PARVA: variants seen among roughly 807,000 people sequenced by gnomAD.
PARVA encodes the protein alpha-parvin.
Under a neutral mutation model 52.6 loss-of-function variants are expected in PARVA, and 25 were observed. The ratio of observed to expected loss-of-function variants is 0.48; its 90% CI spans 0.35 to 0.66. The LOEUF (loss-of-function observed/expected upper bound fraction) is 0.66, where lower values mean the gene tolerates loss of function less well. Ranked by LOEUF, PARVA falls within the 30% of genes least tolerant of loss-of-function variation. PARVA has a pLI of 0.01. For missense variants in PARVA, 373 were observed against 450.9 expected, an observed-to-expected ratio of 0.83 and a Z score of 1.56; for synonymous variants, 185 against 179.1, an observed-to-expected ratio of 1.03 and a Z score of -0.26.
intron 5 of PARVA, 116 bp downstream of exon 5, chr11:12,496,714 A>C: frequency 1.0e-6 from 1 of 994,616 alleles, no homozygotes; most frequent in Non-Finnish European, 1.5e-6. Flanking sequence ...GGTCAAACTC[A>C]TTTATCTTTG....
intron 4 of PARVA, chr11:12,478,296 A>C (rs2135041617): frequency 5.3e-6 from 2 of 376,126 alleles, no homozygotes; most frequent in Admixed American, 3.7e-5. Flanking sequence ...GTATATTTAC[A>C]TGCATGGGCC....
chr11:12,474,067 C>G, intron 3 of PARVA, 84 bp downstream of exon 3: 1 of 1,071,842 alleles, frequency 9.3e-7, no homozygotes, highest in Middle Eastern at 2.0e-4. Context: ...AGGTACCCCA[C>G]GAGCCCCTGA....
intron 4 of PARVA, among the ~76,000 whole-genome samples, chr11:12,487,942 G>A (rs186438103): frequency 7.2e-5 from 11 of 152,242 alleles, no homozygotes; most frequent in Non-Finnish European, 8.8e-5. Context: ...AGTTTTCACA[G>A]CTTGAATTTT....
intron 7 of PARVA, among the ~76,000 whole-genome samples, chr11:12,510,994 C>G (rs1941496251): frequency 1.3e-5 from 2 of 152,116 alleles, no homozygotes; most frequent in South Asian, 4.1e-4. Context: ...AGTTCCTGCA[C>G]TCTTTGAGAA....
intron 1 of PARVA, among the ~76,000 whole-genome samples, chr11:12,418,463 A>G (rs2134981778): frequency 6.6e-6 from 1 of 152,320 alleles, no homozygotes; most frequent in Non-Finnish European, 1.5e-5. Context: ...TCCCTGGGGC[A>G]GGATGGGTGT....
chr11:12,434,295 C>T (rs948353644), intron 1 of PARVA, among the ~76,000 whole-genome samples: 9 of 152,198 alleles, frequency 5.9e-5, no homozygotes, highest in African/African-American at 2.2e-4. Context: ...TGGCATTTTG[C>T]AGCCTGAGAA....
At chr11:12,462,898 C>T (rs929108897) in intron 1 of PARVA, among the ~76,000 whole-genome samples, 1 of 152,148 alleles carries the variant, frequency 6.6e-6, no homozygotes, top group African/African-American at 2.4e-5. Context: ...GTGCTGTAGT[C>T]ATCTTTGGGC....
intron 1 of PARVA, among the ~76,000 whole-genome samples, chr11:12,416,562 G>A (rs563359693): frequency 2.0e-5 from 3 of 152,208 alleles, no homozygotes; most frequent in South Asian, 2.1e-4. Context: ...TGGAACCTTC[G>A]CCGACTCCAG....
chr11:12,408,205 C>T (rs762273372), intron 1 of PARVA, among the ~76,000 whole-genome samples: 3 of 152,138 alleles, frequency 2.0e-5, no homozygotes, highest in Non-Finnish European at 2.9e-5. Flanking sequence ...TCTCACATGT[C>T]TGGCCCTGCA....
chr11:12,521,804 T>C (rs1449527327), intron 12 of PARVA, among the ~76,000 whole-genome samples: 1 of 152,158 alleles, frequency 6.6e-6, no homozygotes, highest in Non-Finnish European at 1.5e-5. Context: ...AAGAGGTCTA[T>C]GAGCCAGAGA....
intron 4 of PARVA, among the ~76,000 whole-genome samples, chr11:12,481,463 A>G (rs1941085621): frequency 1.3e-5 from 2 of 151,290 alleles, no homozygotes; most frequent in African/African-American, 2.4e-5. Context: ...TTTGTTTCTC[A>G]CATCATAAGA....
At chr11:12,515,463 C>T (rs910938697) in intron 10 of PARVA, among the ~76,000 whole-genome samples, 2 of 152,162 alleles carry the variant, frequency 1.3e-5, no homozygotes, top group African/African-American at 4.8e-5. Context: ...GAATGATCAG[C>T]TCCGTTTTCA....
At chr11:12,524,206 C>G (rs977287157) in intron 12 of PARVA, among the ~76,000 whole-genome samples, 1 of 152,184 alleles carries the variant, frequency 6.6e-6, no homozygotes, top group African/African-American at 2.4e-5. Context: ...GATGGGAAAA[C>G]AGAAAGAAAA....
At chr11:12,495,600 A>T (rs1941288805) in intron 4 of PARVA, among the ~76,000 whole-genome samples, 1 of 147,354 alleles carries the variant, frequency 6.8e-6, no homozygotes, top group Non-Finnish European at 1.5e-5. Flanking sequence ...AGATTAACAA[A>T]ATGATTAGAC....
At chr11:12,437,948 C>G (rs1215752279) in intron 1 of PARVA, among the ~76,000 whole-genome samples, 2 of 152,096 alleles carry the variant, frequency 1.3e-5, no homozygotes, top group African/African-American at 2.4e-5. Flanking sequence ...CTTAGTCTGT[C>G]TTCTGGTTCT....
chr11:12,489,890 CA>C (rs1044412729), intron 4 of PARVA, among the ~76,000 whole-genome samples: 1 of 152,072 alleles, frequency 6.6e-6, no homozygotes, highest in Non-Finnish European at 1.5e-5. Context: ...CATACACAGC[CA>C]AAAAAACTGT....
intron 1 of PARVA, among the ~76,000 whole-genome samples, chr11:12,460,545 G>A (rs1010667570): frequency 5.3e-5 from 8 of 152,056 alleles, no homozygotes; most frequent in African/African-American, 1.9e-4. Context: ...GCTCTTCAGG[G>A]TAAACCACCG....
chr11:12,412,737 T>C (rs1010187513), intron 1 of PARVA, among the ~76,000 whole-genome samples: 2 of 152,168 alleles, frequency 1.3e-5, no homozygotes, highest in African/African-American at 4.8e-5. Context: ...AAAATAATAT[T>C]TGCAGGAAAA....
intron 12 of PARVA, among the ~76,000 whole-genome samples, chr11:12,525,165 C>T (rs934308102): frequency 9.2e-5 from 14 of 152,108 alleles, no homozygotes; most frequent in African/African-American, 2.7e-4. Context: ...GTAGGCAGGT[C>T]GGGTCAGGTT....
Sources: allele counts gnomAD v4.1 joint callset (sites outside exome capture counted in the v4.1 genomes callset), GRCh38; gene constraint gnomAD v4.1.1; transcripts MANE v1.5; gene names NCBI Gene and HGNC (gene_info 2026-07-23, HGNC 2026-07-21).